Variants in STAB2 observed in about 807,000 individuals in gnomAD.
The protein encoded by STAB2 is stabilin-2.
A neutral mutation model predicts 338.1 loss-of-function variants in STAB2; 288 were observed. The ratio of observed to expected loss-of-function variants is 0.85; its 90% confidence interval spans 0.77 to 0.94. STAB2 has a LOEUF of 0.94. Among genes scored for constraint, STAB2 ranks in the 40% least tolerant of loss-of-function variants. The pLI, the probability that STAB2 is intolerant of heterozygous loss-of-function variation, is 0.00. For missense variants in STAB2, 3,141 were observed against 3,210.1 expected, an observed-to-expected ratio of 0.98 and a Z score of 0.52; for synonymous variants, 1,202 against 1,193.3, an observed-to-expected ratio of 1.01 and a Z score of -0.15.
At chr12:103,755,084 G>T in intron 61 of STAB2, 1 of 567,668 alleles carries the variant, frequency 1.8e-6, no homozygotes, top group South Asian at 2.5e-5. Context: ...GAAAGACCTG[G>T]GCACCTACAA....
At chr12:103,737,600 C>CT in intron 52 of STAB2, 34 bp from the exon 53 acceptor site, 1 of 1,120,890 alleles carries the variant, frequency 8.9e-7, no homozygotes, top group Non-Finnish European at 1.2e-6. Context: ...CTCTCTCTCT[C>CT]TTTCTCTTTT....
intron 68 of STAB2, among the ~76,000 whole-genome samples, chr12:103,765,400 G>A (rs74791244): frequency 0.021 from 3,254 of 152,266 alleles, 117 homozygotes; most frequent in African/African-American, 0.075. Context: ...ACAAAGTGAC[G>A]TGCTACATTC....
intron 44 of STAB2, among the ~76,000 whole-genome samples, chr12:103,723,686 G>T (rs146666316): frequency 6.6e-6 from 1 of 152,282 alleles, no homozygotes; most frequent in East Asian, 1.9e-4. Context: ...GTTAGAGTGG[G>T]GCCCAGGAGG....
chr12:103,735,846 A>AT (rs559999692), intron 52 of STAB2, among the ~76,000 whole-genome samples: 36 of 152,220 alleles, frequency 2.4e-4, no homozygotes, highest in Non-Finnish European at 3.8e-4. Context: ...AGTTGATTTC[A>AT]TTTTTTGTGT....
chr12:103,587,629 CTGT>C, intron 1 of STAB2, 72 bp downstream of exon 1: 1 of 1,277,782 alleles, frequency 7.8e-7, no homozygotes, highest in Non-Finnish European at 1.1e-6. Context: ...TCGTTTTCCT[CTGT>C]TGTTATGGGT....
At chr12:103,674,119 G>T in intron 23 of STAB2, 32 bp downstream of exon 23, 2 of 1,589,682 alleles carry the variant, frequency 1.3e-6, no homozygotes, top group Non-Finnish European at 1.7e-6. Context: ...CCTTAATGAC[G>T]CTGAGTCATT....
chr12:103,755,930 A>G (rs79553328), intron 63 of STAB2, among the ~76,000 whole-genome samples: 13,492 of 152,240 alleles, frequency 0.089, 894 homozygotes, highest in East Asian at 0.26. Flanking sequence ...TTCCTCATCT[A>G]TAAAATGGAG....
intron 34 of STAB2, among the ~76,000 whole-genome samples, chr12:103,701,348 T>C (rs1223373229): frequency 1.3e-5 from 2 of 152,214 alleles, no homozygotes; most frequent in African/African-American, 4.8e-5. Flanking sequence ...GCATGATTTA[T>C]AGTCCTTTGG....
chr12:103,630,407 C>A (rs927952892), intron 5 of STAB2, among the ~76,000 whole-genome samples: 2 of 152,154 alleles, frequency 1.3e-5, no homozygotes, highest in Non-Finnish European at 2.9e-5. Flanking sequence ...TTCATTTGAG[C>A]TAACATTAAG....
chr12:103,636,889 T>A (rs1333583282), intron 6 of STAB2, among the ~76,000 whole-genome samples: 2 of 152,230 alleles, frequency 1.3e-5, no homozygotes, highest in African/African-American at 4.8e-5. Flanking sequence ...TGTTACAAAA[T>A]CAGACAAATA....
At chr12:103,616,949 A>C (rs17034227) in intron 3 of STAB2, among the ~76,000 whole-genome samples, 5,230 of 152,252 alleles carry the variant, frequency 0.034, 182 homozygotes, top group African/African-American at 0.09. Context: ...TCCCTGCTTG[A>C]TTCAGCTCTC....
intron 25 of STAB2, among the ~76,000 whole-genome samples, chr12:103,679,980 A>G (rs184956530): frequency 4.6e-5 from 7 of 152,380 alleles, no homozygotes; most frequent in Admixed American, 1.3e-4. Flanking sequence ...ATGCTGCAAC[A>G]TGGGTGAACC....
At chr12:103,618,760 G>C (rs920472019) in intron 3 of STAB2, among the ~76,000 whole-genome samples, 4 of 152,156 alleles carry the variant, frequency 2.6e-5, no homozygotes, top group African/African-American at 9.7e-5. Flanking sequence ...TTTAACTTCA[G>C]AGGATTGCTG....
chr12:103,665,594 C>G (rs1016452923), intron 18 of STAB2, among the ~76,000 whole-genome samples: 4 of 152,086 alleles, frequency 2.6e-5, no homozygotes, highest in African/African-American at 9.7e-5. Flanking sequence ...GGGATGGTAC[C>G]AAAGCAGAGA....
At chr12:103,741,704 C>T (rs1882598176) in intron 55 of STAB2, among the ~76,000 whole-genome samples, 1 of 152,252 alleles carries the variant, frequency 6.6e-6, no homozygotes, top group Non-Finnish European at 1.5e-5. Context: ...GTCCATCCAT[C>T]TTGGCCTCCC....
intron 56 of STAB2, 44 bp from the exon 57 acceptor site, chr12:103,745,129 G>A: frequency 6.5e-7 from 1 of 1,548,014 alleles, no homozygotes; most frequent in Non-Finnish European, 8.8e-7. Flanking sequence ...TGGTTGATTG[G>A]GTCTCAACCC....
At chr12:103,723,045 AGTG>A (rs1880891091) in intron 44 of STAB2, among the ~76,000 whole-genome samples, 1 of 152,204 alleles carries the variant, frequency 6.6e-6, no homozygotes, top group South Asian at 2.1e-4. Flanking sequence ...GACCCAAACA[AGTG>A]GTGAAGCTCA....
At chr12:103,674,958 A>G (rs956514810) in intron 23 of STAB2, among the ~76,000 whole-genome samples, 1 of 152,224 alleles carries the variant, frequency 6.6e-6, no homozygotes, top group Non-Finnish European at 1.5e-5. Flanking sequence ...CATGTAATCA[A>G]CATTACCGCT....
At chr12:103,681,388 A>G (rs954384300) in intron 25 of STAB2, among the ~76,000 whole-genome samples, 2 of 152,270 alleles carry the variant, frequency 1.3e-5, no homozygotes, top group South Asian at 4.1e-4. Flanking sequence ...ACAAAAATGT[A>G]TTGTTTCACA....
Sources: gnomAD v4.1 joint callset for allele counts (sites outside exome capture counted in the v4.1 genomes callset) on GRCh38, gnomAD v4.1.1 for gene constraint, MANE v1.5 for transcripts, NCBI Gene and HGNC (gene_info 2026-07-23, HGNC 2026-07-21) for gene names.